A2M: variants seen among roughly 807,000 people sequenced by gnomAD.
A2M encodes C3 and PZP-like alpha-2-macroglobulin domain-containing protein 5.
A neutral mutation model predicts 183.9 loss-of-function variants in A2M; 128 were observed. That is an observed-to-expected ratio of 0.70 (90% confidence interval 0.60 to 0.81). The LOEUF (loss-of-function observed/expected upper bound fraction) is 0.81. Ranked by LOEUF, A2M falls within the 30% of genes least tolerant of loss-of-function variation. The pLI, the probability that A2M is intolerant of heterozygous loss-of-function variation, is 0.00. For synonymous variants in A2M, 592 were observed against 670.8 expected, an observed-to-expected ratio of 0.88 and a Z score of 1.81; for missense variants, 1,495 against 1,787.6, an observed-to-expected ratio of 0.84 and a Z score of 2.95.
Position 9,104,267 on chromosome 12 carries a change from T to C in A2M, c.1238A>G (p.Asn413Ser), listed in dbSNP as rs1023789889. ...AACAGTAAGAGAGGTACCCATAACA[T>C]TGGTGGTGTTGATAGAGAACTGTAC... The part of the protein sequence containing the change: ...GLVQFSINTT[N>S]VMGTSLTVRV... Residue 413 changes from asparagine (N) to serine (S), a missense_variant, in exon 11 of 36, where the codon AAT becomes AGT. Transcript: ENST00000318602. The C allele has an allele frequency of 4.3e-6, 7 of 1,612,890 alleles. No homozygotes were observed. Among genetic ancestry groups the C allele is most frequent in the Non-Finnish European group, 5.9e-6 (7 of 1,179,390 alleles).
At chr12:9,108,282 T>C (rs1028011880) in intron 7 of A2M, among the ~76,000 whole-genome samples, 3 of 152,186 alleles carry the variant, frequency 2.0e-5, no homozygotes, top group African/African-American at 4.8e-5. Context: ...CTGGCCACCA[T>C]GCCTGGCTAA....
intron 2 of A2M, among the ~76,000 whole-genome samples, chr12:9,112,893 T>C (rs778463698): frequency 8.5e-5 from 13 of 152,174 alleles, no homozygotes; most frequent in Non-Finnish European, 1.2e-4. Flanking sequence ...AAACCCCGTA[T>C]TTTACTGACA....
Position 9,093,360 on chromosome 12 carries a change from T to C in A2M, c.2240+105A>G, listed in dbSNP as rs1949267828. 5 of 734,840 alleles carry C rather than the reference T, an allele frequency of 6.8e-6. No individual in the cohort carries two copies. The East Asian group carries it at 1.3e-4, about 20-fold the overall frequency. The allele number at this position is 734,840 out of a possible 1,614,324, so 45.5% of individuals were successfully genotyped here. A position where few individuals can be genotyped will look rare whatever the true frequency, so the allele number is the denominator to read the frequency against. ...ATATATATATCAAAACATCATGTTG[T>C]ACATCATAAACATATAAAACAATAA... On this transcript the variant is annotated intron_variant, in intron 18 of 35. Transcript: ENST00000318602.
At position 9,075,320 on chromosome 12, in the gene A2M, G is replaced by C. The variant is rs775984935; in HGVS notation, c.3533-537C>G. Among the ~76,000 whole-genome samples, 5 of 152,324 alleles carry C rather than the reference G, an allele frequency of 3.3e-5. No homozygotes were observed. In the South Asian group the frequency reaches 1.0e-3, roughly 32 times the overall value. ...CTGCTCTTTGGCAATATTCAGCAAT[G>C]GGGAAGATGTGCTTAGCCCACTAAT... On this transcript the variant is annotated intron_variant, in intron 28 of 35. Transcript: ENST00000318602.
At chr12:9,095,319 T>C (rs1371179907) in intron 16 of A2M, among the ~76,000 whole-genome samples, 1 of 152,224 alleles carries the variant, frequency 6.6e-6, no homozygotes, top group Non-Finnish European at 1.5e-5. Flanking sequence ...ACAGAGCAAT[T>C]AATTCCTGTG....
In A2M at chr12:9,079,671, A is replaced by G. The variant is rs752902850; in HGVS notation, c.2999T>C (p.Ile1000Thr). Residue 1000 changes from isoleucine (I) to threonine (T), a missense_variant, in exon 24 of 36, where the codon ATC becomes ACC. Ile to Thr is a moderately conservative substitution (Grantham distance 89). Coordinates refer to ENST00000318602, the MANE Select transcript of A2M (RefSeq NM_000014.6). Reference protein sequence around the residue: ...LNETQQLTPEIKSKAIGYLNT... With the variant: ...LNETQQLTPETKSKAIGYLNT... The stretch of plus-strand genomic sequence containing the variant: ...GAGATAGCCAATGGCCTTGGACTTG[A>G]TCTCTGGAGTAAGCTGCTGTGTTTC... 1 of 1,613,656 alleles carries G rather than the reference A, an allele frequency of 6.2e-7. No individual in the cohort carries two copies. Among genetic ancestry groups the G allele is most frequent in the Admixed American group, 1.7e-5 (1 of 59,950 alleles).
chr12:9,084,483 CA>C (rs1379689229), intron 22 of A2M, among the ~76,000 whole-genome samples: 1 of 152,056 alleles, frequency 6.6e-6, no homozygotes, highest in Non-Finnish European at 1.5e-5. Context: ...AAGTTGTTAT[CA>C]GCTTGAAATT....
chr12:9,115,528 C>T (rs781289346), intron 1 of A2M: 1 of 404,218 alleles, frequency 2.5e-6, no homozygotes, highest in African/African-American at 2.0e-5. Context: ...TTTTAAAAAG[C>T]TAAAAATTTC....
chr12:9,112,569 C>G (rs1452289804), intron 2 of A2M, 33 bp from the exon 3 acceptor site: 1 of 1,611,580 alleles, frequency 6.2e-7, no homozygotes, highest in African/African-American at 1.3e-5. Flanking sequence ...AAACCCCATT[C>G]AGCACCCGCA....
intron 22 of A2M, among the ~76,000 whole-genome samples, chr12:9,083,684 G>T (rs1223521458): frequency 6.6e-6 from 1 of 150,520 alleles, no homozygotes; most frequent in African/African-American, 2.4e-5. Context: ...ATTAAAGAAA[G>T]TCCAGAAGAA....
chr12:9,079,587 A>T, intron 24 of A2M, 52 bp downstream of exon 24: 46 of 1,530,086 alleles, frequency 3.0e-5, no homozygotes, highest in Non-Finnish European at 4.0e-5. Flanking sequence ...ACCTACTGGG[A>T]AATCCAGTTG....
At chr12:9,093,662 A>T in intron 17 of A2M, 83 bp from the exon 18 acceptor site, 1 of 749,432 alleles carries the variant, frequency 1.3e-6, no homozygotes, top group Non-Finnish European at 2.0e-6. Flanking sequence ...ACCAAAAAAA[A>T]AAAACAAAAA....
chr12:9,088,819 G>A (rs1251779406), intron 22 of A2M, among the ~76,000 whole-genome samples: 1 of 152,146 alleles, frequency 6.6e-6, no homozygotes, highest in East Asian at 1.9e-4. Flanking sequence ...AATACTGTTG[G>A]CTATGTAAAA....
chr12:9,115,744 GCT>G lies in A2M; in HGVS notation c.86+18_86+19del. 1.3e-6 allele frequency: 2 copies of G among 1,588,512 alleles called. No homozygotes were observed. Among genetic ancestry groups the G allele is most frequent in the Non-Finnish European group, 1.7e-6 (2 of 1,156,898 alleles). On this transcript the variant is annotated intron_variant, in intron 1 of 35. Coordinates refer to ENST00000318602, the MANE Select transcript of A2M (RefSeq NM_000014.6). ...GAAGGACTCTAGGTTCATGCTTCAC[GCT>G]CTCTGTGTGGAACTCACGGTTTTCC...
chr12:9,071,511 G>T (rs1948578991), intron 31 of A2M, among the ~76,000 whole-genome samples: 1 of 152,146 alleles, frequency 6.6e-6, no homozygotes, highest in Non-Finnish European at 1.5e-5. Flanking sequence ...TGTCATGGGG[G>T]TTTGGTGTAC....
intron 29 of A2M, among the ~76,000 whole-genome samples, chr12:9,073,859 G>A (rs1054489931): frequency 1.3e-5 from 2 of 152,104 alleles, no homozygotes; most frequent in Non-Finnish European, 1.5e-5. Context: ...AGGCCAAGGC[G>A]GATGGATTGC....
At chr12:9,105,653 A>T (rs1592385234) in intron 10 of A2M, among the ~76,000 whole-genome samples, 1 of 152,342 alleles carries the variant, frequency 6.6e-6, no homozygotes, top group East Asian at 1.9e-4. Context: ...GGTAGATAAC[A>T]TGAAAATTCA....
At chr12:9,072,216 A>T in intron 31 of A2M, 143 bp downstream of exon 31, 2 of 969,546 alleles carry the variant, frequency 2.1e-6, no homozygotes, top group South Asian at 1.7e-5. Flanking sequence ...TCATTGAGAA[A>T]TTATATCAAC....
intron 2 of A2M, among the ~76,000 whole-genome samples, chr12:9,113,038 T>A (rs146981372): frequency 6.6e-6 from 1 of 152,114 alleles, no homozygotes; most frequent in Non-Finnish European, 1.5e-5. Flanking sequence ...GGGTGGCTCA[T>A]GTTGAGCCTT....
Sources: allele counts gnomAD v4.1 joint callset (sites outside exome capture counted in the v4.1 genomes callset), GRCh38; gene constraint gnomAD v4.1.1; transcripts MANE v1.5; gene names NCBI Gene and HGNC (gene_info 2026-07-23, HGNC 2026-07-21).